Variants in GTF2A1L observed in about 807,000 individuals in gnomAD.
GTF2A1L encodes TFIIA-alpha and beta-like factor.
A neutral mutation model predicts 49.7 loss-of-function variants in GTF2A1L; 48 were observed. The observed-to-expected ratio is 0.97, with a 90% confidence interval of 0.77 to 1.23. The LOEUF is 1.23. GTF2A1L is among the 50% of genes most tolerant of loss of function. The pLI is 0.00. For missense variants in GTF2A1L, 736 were observed against 564.8 expected (o/e 1.30, Z -3.07); for synonymous variants, 246 against 193.5 (o/e 1.27, Z -2.25).
intron 3 of GTF2A1L, among the ~76,000 whole-genome samples, chr2:48,637,479 T>A (rs766709114): frequency 2.6e-5 from 4 of 152,144 alleles, no homozygotes; most frequent in Non-Finnish European, 4.4e-5. Flanking sequence ...AAGGCAGTGT[T>A]AAGAGGGAAA....
chr2:48,620,680 G>T (rs919770611), intron 1 of GTF2A1L, among the ~76,000 whole-genome samples, 171 bp from the exon 2 acceptor site: 1 of 152,118 alleles, frequency 6.6e-6, no homozygotes, highest in African/African-American at 2.4e-5. Flanking sequence ...AGGAGGCTGA[G>T]GCAGGAGAAT....
chr2:48,665,667 T>C (rs1678801531), intron 6 of GTF2A1L, among the ~76,000 whole-genome samples: 1 of 152,176 alleles, frequency 6.6e-6, no homozygotes, highest in Admixed American at 6.5e-5. Context: ...TGTAATTCTT[T>C]TGTGGTCAGA....
chr2:48,646,740 A>G lies in GTF2A1L; in HGVS notation c.676A>G (p.Lys226Glu). The change falls in exon 6 of 9, where the codon AAA becomes GAA. Residue 226 changes from lysine to glutamate, a missense_variant. Transcript: ENST00000403751. ...ACTTGTATCTCCTGGAAATGAGCAT[A>G]AAATCGTGCCTGAAGCTTTGTTGTG... ...DILVSPGNEH[K>E]IVPEALLCHQ... 1.9e-6 allele frequency: 3 copies of G among 1,614,248 alleles called. No homozygotes were observed. The South Asian group carries it at 3.3e-5, about 18-fold the overall frequency.
intron 3 of GTF2A1L, among the ~76,000 whole-genome samples, chr2:48,622,833 TAAA>T (rs5830995): frequency 1.6e-5 from 2 of 128,362 alleles, no homozygotes; most frequent in Non-Finnish European, 3.3e-5. Flanking sequence ...GACTCCATCT[TAAA>T]AAAAAAAAAA....
At chr2:48,635,918 A>T (rs772065425) in intron 3 of GTF2A1L, among the ~76,000 whole-genome samples, 2 of 152,100 alleles carry the variant, frequency 1.3e-5, no homozygotes, top group Admixed American at 6.6e-5. Flanking sequence ...GGAGGAAAAA[A>T]AAAGTTCTCC....
intron 6 of GTF2A1L, among the ~76,000 whole-genome samples, chr2:48,648,105 G>A (rs1203788172): frequency 1.3e-5 from 2 of 152,000 alleles, no homozygotes; most frequent in African/African-American, 2.4e-5. Flanking sequence ...ATGACAATCA[G>A]AAACTATTTG....
At chr2:48,659,314 C>T (rs112880544) in intron 6 of GTF2A1L, among the ~76,000 whole-genome samples, 1 of 152,054 alleles carries the variant, frequency 6.6e-6, no homozygotes, top group Non-Finnish European at 1.5e-5. Context: ...TTCAAGAATG[C>T]CAGTAATTCA....
chr2:48,636,886 G>A (rs958883228), intron 3 of GTF2A1L, among the ~76,000 whole-genome samples: 8 of 152,110 alleles, frequency 5.3e-5, no homozygotes, highest in African/African-American at 1.7e-4. Context: ...GTCAGCTTCT[G>A]TATTTGGTCT....
rs566750358 is a variant in GTF2A1L, at chr2:48,677,518, A to G, written c.1330-1817A>G. ...AGGCCAGAGCAGTAAGTGAGGAAAA[A>G]TAAAGGATTTTGTAGTCCATTGTAA... is the stretch of plus-strand genomic sequence containing the variant. On this transcript the variant is annotated intron_variant, in intron 8 of 8. Transcript: ENST00000403751. Among the ~76,000 whole-genome samples the G allele has an allele frequency of 2.0e-5, 3 of 152,110 alleles. No homozygotes were observed. The East Asian group carries it at 5.8e-4, about 29-fold the overall frequency.
At chr2:48,665,203 C>T (rs116572905) in intron 6 of GTF2A1L, among the ~76,000 whole-genome samples, 4,231 of 151,692 alleles carry the variant, frequency 0.028, 179 homozygotes, top group African/African-American at 0.095. Context: ...ATTACGGGTG[C>T]GAGCCACCCT....
At position 48,646,393 on chromosome 2, in the gene GTF2A1L, T is replaced by G. The variant is rs1400283517; in HGVS notation, c.389-60T>G. On this transcript the variant is annotated intron_variant, in intron 5 of 8. Transcript: ENST00000403751. The stretch of plus-strand genomic sequence containing the variant: ...ATGAGATTTTTTTTTTTTTTTGTGG[T>G]GGTTGTCAAAGGAAATTTTAATTCT... 4.1e-5 allele frequency: 53 copies of G among 1,306,824 alleles called. No individual in the cohort carries two copies. In the Middle Eastern group the frequency reaches 1.6e-3, roughly 40 times the overall value. 81.0% of individuals were successfully genotyped at this position (1,306,824 alleles called of 1,614,324 possible).
chr2:48,658,789 A>C (rs1558754331), intron 6 of GTF2A1L, among the ~76,000 whole-genome samples: 1 of 152,116 alleles, frequency 6.6e-6, no homozygotes, highest in Non-Finnish European at 1.5e-5. Context: ...ATGTGTTTAT[A>C]ATAGTCTCTG....
intron 8 of GTF2A1L, among the ~76,000 whole-genome samples, chr2:48,675,761 CTT>C (rs1679434216): frequency 1.3e-5 from 2 of 151,936 alleles, no homozygotes; most frequent in South Asian, 4.2e-4. Context: ...TTATAGCTGA[CTT>C]TATCCCTTAG....
chr2:48,675,155 C>G (rs1409809435), intron 8 of GTF2A1L, among the ~76,000 whole-genome samples: 1 of 152,122 alleles, frequency 6.6e-6, no homozygotes, highest in Non-Finnish European at 1.5e-5. Flanking sequence ...TCTTTTAGAG[C>G]TTTACTAATT....
At chr2:48,643,365 T>C (rs1677310637) in intron 4 of GTF2A1L, among the ~76,000 whole-genome samples, 1 of 152,212 alleles carries the variant, frequency 6.6e-6, no homozygotes, top group Admixed American at 6.5e-5. Flanking sequence ...ATCTACTAAC[T>C]GTTTTTTAAT....
Position 48,646,612 on chromosome 2 carries a change from C to G in GTF2A1L, c.548C>G (p.Thr183Ser). ...PQLNPWSLQA[T>S]TEKSQRIETV... ...TTGAATCCATGGTCTCTTCAAGCAA[C>G]TACTGAAAAATCACAGAGAATTGAA... The change falls in exon 6 of 9, where the codon ACT becomes AGT. Residue 183 changes from threonine (T) to serine (S), a missense_variant. Thr to Ser is a moderately conservative substitution (Grantham distance 58). Coordinates refer to ENST00000403751, the MANE Select transcript of GTF2A1L (RefSeq NM_006872.5). 6.2e-7 allele frequency: 1 copy of G among 1,614,130 alleles called. No individual in the cohort carries two copies. Among genetic ancestry groups the G allele is most frequent in the Non-Finnish European group, 8.5e-7 (1 of 1,180,024 alleles).
intron 8 of GTF2A1L, among the ~76,000 whole-genome samples, chr2:48,674,264 G>A (rs375872417): frequency 4.6e-5 from 7 of 152,244 alleles, no homozygotes; most frequent in African/African-American, 1.7e-4. Flanking sequence ...GCCAGCACTG[G>A]CCATAATCCG....
At chr2:48,674,738 A>T (rs1467819954) in intron 8 of GTF2A1L, among the ~76,000 whole-genome samples, 2 of 152,238 alleles carry the variant, frequency 1.3e-5, no homozygotes, top group African/African-American at 2.4e-5. Flanking sequence ...TGTGGGAGAT[A>T]CCTTGTAATT....
At chr2:48,626,723 G>T (rs1264222039) in intron 3 of GTF2A1L, among the ~76,000 whole-genome samples, 2 of 143,722 alleles carry the variant, frequency 1.4e-5, no homozygotes, top group African/African-American at 4.9e-5. Context: ...ACAGGCATGT[G>T]CCACAACATC....
Sources: allele counts gnomAD v4.1 joint callset (sites outside exome capture counted in the v4.1 genomes callset), GRCh38; gene constraint gnomAD v4.1.1; transcripts MANE v1.5; gene names NCBI Gene and HGNC (gene_info 2026-07-23, HGNC 2026-07-21).